The following ZNF454 variants were observed in gnomAD, a reference collection of about 807,000 sequenced individuals.
ZNF454 encodes the protein zinc finger protein 454.
Under a neutral mutation model 48.2 loss-of-function variants are expected in ZNF454, and 30 were observed. The ratio of observed to expected loss-of-function variants is 0.62; its 90% CI spans 0.47 to 0.84. The LOEUF (loss-of-function observed/expected upper bound fraction) is 0.84. Among genes scored for constraint, ZNF454 ranks in the 40% least tolerant of loss-of-function variants. The pLI, the probability that ZNF454 is intolerant of heterozygous loss-of-function variation, is 0.00. For missense variants in ZNF454, 510 were observed against 623.1 expected (o/e 0.82, Z 1.93); for synonymous variants, 204 against 211.4 (o/e 0.97, Z 0.30).
intron 4 of ZNF454, among the ~76,000 whole-genome samples, chr5:178,947,264 C>G (rs1759377982): frequency 6.6e-6 from 1 of 152,176 alleles, no homozygotes; most frequent in African/African-American, 2.4e-5. Context: ...TTCATCTGGG[C>G]AGTTCTCCCC....
chr5:178,981,303 G>A, the ZNF454 span: 2 of 278,002 alleles, frequency 7.2e-6, no homozygotes, highest in Non-Finnish European at 1.4e-5. This position sits in a 1 kb window ranked among gnomAD's most constrained non-coding sequence, Gnocchi z 5.1. Context: ...GGTTGACTGA[G>A]GGGAGGAAAT....
chr5:178,963,168 A>G (rs769619367), intron 4 of ZNF454, among the ~76,000 whole-genome samples: 1 of 151,820 alleles, frequency 6.6e-6, no homozygotes, highest in Non-Finnish European at 1.5e-5. Context: ...ATATTAGACT[A>G]TAAAGTCTGC....
chr5:178,942,560 T>C (rs1266026449), intron 1 of ZNF454, 125 bp from the exon 2 acceptor site: 3 of 505,702 alleles, frequency 5.9e-6, no homozygotes, highest in African/African-American at 5.8e-5. Flanking sequence ...GGAGAGAGAA[T>C]GGGGAGCAAA....
At chr5:178,977,720 C>A in the ZNF454 span, among the ~76,000 whole-genome samples, 1 of 152,020 alleles carries the variant, frequency 6.6e-6, no homozygotes, top group East Asian at 1.9e-4. Context: ...CAGACATGTG[C>A]CACCATGCCC....
intron 4 of ZNF454, among the ~76,000 whole-genome samples, chr5:178,958,694 G>A (rs149577540): frequency 2.2e-4 from 34 of 152,220 alleles, no homozygotes; most frequent in African/African-American, 7.9e-4. Context: ...TACTCCTACC[G>A]GCGAAATGCA....
At chr5:178,988,957 G>A in the ZNF454 span, 2 of 1,613,548 alleles carry the variant, frequency 1.2e-6, no homozygotes, top group Non-Finnish European at 1.7e-6. This position sits in a 1 kb window ranked among gnomAD's most constrained non-coding sequence, Gnocchi z 6.0. Context: ...CAGCTCGAAT[G>A]TACTGCAGAA....
chr5:178,988,821 T>A, the ZNF454 span: 7 of 831,020 alleles, frequency 8.4e-6, no homozygotes, highest in Non-Finnish European at 1.2e-5. This position sits in a 1 kb window ranked among gnomAD's most constrained non-coding sequence, Gnocchi z 6.0. Flanking sequence ...GGCACCCCCA[T>A]TAGACCACTC....
chr5:178,981,258 C>T, the ZNF454 span: 15 of 227,004 alleles, frequency 6.6e-5, no homozygotes, highest in East Asian at 1.3e-3. The surrounding 1 kb of genome is among the most constrained non-coding windows in gnomAD (Gnocchi z 5.1). Flanking sequence ...GGGGTCTACA[C>T]GTTCTTCCAC....
At chr5:178,982,726 TAAG>T in the ZNF454 span, 1 of 558,162 alleles carries the variant, frequency 1.8e-6, no homozygotes, top group South Asian at 2.4e-5. Flanking sequence ...GAGTGGAAGT[TAAG>T]AAGAGGGGTT....
chr5:178,970,996 C>G (rs1274817295), downstream of ZNF454, among the ~76,000 whole-genome samples: 1 of 152,218 alleles, frequency 6.6e-6, no homozygotes, highest in Non-Finnish European at 1.5e-5. Context: ...TCACCGGGGC[C>G]AGCAGTTCAC....
At chr5:178,942,468 G>A (rs746868238) in intron 1 of ZNF454, 1 of 306,744 alleles carries the variant, frequency 3.3e-6, no homozygotes, top group Non-Finnish European at 6.0e-6. Flanking sequence ...GGAAAGACCA[G>A]AGGGTGGGTG....
the ZNF454 span, among the ~76,000 whole-genome samples, chr5:178,974,608 G>A: frequency 1.6e-4 from 25 of 152,292 alleles, no homozygotes; most frequent in East Asian, 1.4e-3. Flanking sequence ...GTGAGCCACC[G>A]CGCCCGGCCT....
At chr5:178,969,715 C>T (rs905312938), downstream of ZNF454, 9 of 452,388 alleles carry the variant, frequency 2.0e-5, no homozygotes, top group African/African-American at 1.2e-4. Context: ...AGAAGCAGCT[C>T]CTGGCCTCTC....
chr5:178,981,522 A>G, the ZNF454 span: 1 of 670,544 alleles, frequency 1.5e-6, no homozygotes, highest in Non-Finnish European at 2.6e-6. This position sits in a 1 kb window ranked among gnomAD's most constrained non-coding sequence, Gnocchi z 5.1. Flanking sequence ...GGCCAGCCCC[A>G]CCGACGCGGA....
At chr5:178,942,566 G>A in intron 1 of ZNF454, 119 bp from the exon 2 acceptor site, 1 of 514,320 alleles carries the variant, frequency 1.9e-6, no homozygotes, top group Non-Finnish European at 3.4e-6. Context: ...AGAATGGGGA[G>A]CAAACAGGAA....
Position 178,946,976 on chromosome 5 carries a change from C to T in ZNF454, c.240C>T (p.Gly80=). 1.9e-6 allele frequency: 3 copies of T among 1,613,916 alleles called. No individual in the cohort carries two copies. Among genetic ancestry groups the T allele is most frequent in the Middle Eastern group, 1.7e-4 (1 of 6,054 alleles). Residue 80 remains glycine (G), a synonymous_variant, in exon 4 of 5, where the codon GGC becomes GGT. Coordinates refer to ENST00000519564, the MANE Select transcript of ZNF454 (RefSeq NM_001178089.3). This position sits in a 1 kb window ranked among gnomAD's most constrained non-coding sequence, Gnocchi z 4.5. Reference sequence around the variant, plus strand: ...GGATGCCAGAGGACACCCCTGGAGGCTTCTGTCTTGGTAAGAATCATGTGT... The same window carrying T: ...GGATGCCAGAGGACACCCCTGGAGGTTTCTGTCTTGGTAAGAATCATGTGT... ...EVWMPEDTPG[G]FCLDWMTMPA... is the part of the protein sequence containing the mutation.
rs1451748677 is a variant in ZNF454 at position 178,965,771 on chromosome 5, C to A, written c.1367C>A (p.Thr456Asn). 2 of 1,613,988 alleles carry A rather than the reference C, an allele frequency of 1.2e-6. No homozygotes were observed. ...EKAFSDHSALTQHKRIHTREK... is the reference protein window; with the variant it reads ...EKAFSDHSALNQHKRIHTREK... ...GCCTTCAGTGACCATTCAGCCCTTACCCAACATAAGAGAATTCATACTAGG... is the reference window on the plus strand; with the variant it reads ...GCCTTCAGTGACCATTCAGCCCTTAACCAACATAAGAGAATTCATACTAGG... The change falls in exon 5 of 5, where the codon ACC becomes AAC. Residue 456 changes from threonine (T) to asparagine (N), a missense_variant. Around this residue, in one of 3 missense-constraint regions of ZNF454, gnomAD observed 153 missense variants for 195.8 expected, o/e 0.78. Coordinates refer to ENST00000519564, the MANE Select transcript of ZNF454 (RefSeq NM_001178089.3). This position sits in a 1 kb window ranked among gnomAD's most constrained non-coding sequence, Gnocchi z 5.2.
At chr5:178,981,422 C>CCG in the ZNF454 span, 1 of 506,284 alleles carries the variant, frequency 2.0e-6, no homozygotes, top group Non-Finnish European at 3.6e-6. The surrounding 1 kb of genome is among the most constrained non-coding windows in gnomAD (Gnocchi z 5.1). Flanking sequence ...TGGCTGTTTC[C>CCG]CACCATGGGA....
the ZNF454 span, chr5:178,989,045 A>C: frequency 1.9e-6 from 3 of 1,614,006 alleles, no homozygotes; most frequent in Non-Finnish European, 2.5e-6. Flanking sequence ...CATGCTGTGG[A>C]GGGCGTGGGC....
Sources: allele counts gnomAD v4.1 joint callset (sites outside exome capture counted in the v4.1 genomes callset), GRCh38; gene constraint gnomAD v4.1.1; regional missense constraint gnomAD v4.1.1; non-coding constraint Gnocchi (gnomAD v3.1); transcripts MANE v1.5; gene names NCBI Gene and HGNC (gene_info 2026-07-23, HGNC 2026-07-21).